The following NDUFA8 variants were observed in gnomAD, a reference collection of about 807,000 sequenced individuals.
NDUFA8 encodes NADH dehydrogenase [ubiquinone] 1 alpha subcomplex subunit 8.
In NDUFA8, 16 loss-of-function variants were observed where a neutral mutation model predicts 20.9. That is an observed-to-expected ratio of 0.77 (90% CI 0.52 to 1.16). NDUFA8 has a LOEUF of 1.16. NDUFA8 is among the 50% of genes most tolerant of loss of function. The pLI is 0.00. For missense variants in NDUFA8, 202 were observed against 216.4 expected (o/e 0.93, Z 0.42); for synonymous variants, 70 against 76.1 (o/e 0.92, Z 0.41).
At chr9:122,148,371 C>A in intron 2 of NDUFA8, 94 bp from the exon 3 acceptor site, 2 of 1,438,112 alleles carry the variant, frequency 1.4e-6, no homozygotes, top group South Asian at 1.2e-5. Flanking sequence ...AAATACATAG[C>A]CTTGCTTTTT....
chr9:122,147,490 C>T (rs1405957545), intron 3 of NDUFA8, among the ~76,000 whole-genome samples: 1 of 152,174 alleles, frequency 6.6e-6, no homozygotes, highest in Non-Finnish European at 1.5e-5. Context: ...GTGAATTCCA[C>T]AATAACCTCC....
At chr9:122,148,371 CCT>C (rs1182660179) in intron 2 of NDUFA8, 94 bp from the exon 3 acceptor site, 17 of 1,437,996 alleles carry the variant, frequency 1.2e-5, no homozygotes, top group Non-Finnish European at 1.6e-5. Flanking sequence ...AAATACATAG[CCT>C]TGCTTTTTGA....
chr9:122,149,142 T>G (rs1320547545), intron 2 of NDUFA8, among the ~76,000 whole-genome samples: 1 of 152,206 alleles, frequency 6.6e-6, no homozygotes, highest in Non-Finnish European at 1.5e-5. Context: ...AGTGCTTACC[T>G]GTCATACTCC....
At chr9:122,158,036 G>C (rs1273997676) in intron 1 of NDUFA8, among the ~76,000 whole-genome samples, 1 of 152,020 alleles carries the variant, frequency 6.6e-6, no homozygotes, top group Non-Finnish European at 1.5e-5. Flanking sequence ...GCCTGTAGTC[G>C]CAGTTACTCG....
intron 3 of NDUFA8, among the ~76,000 whole-genome samples, chr9:122,147,366 T>C (rs1365636318): frequency 6.6e-6 from 1 of 152,038 alleles, no homozygotes; most frequent in African/African-American, 2.4e-5. Context: ...AAAACTAAGA[T>C]AGGAAATATA....
At chr9:122,149,710 C>G (rs546252234) in intron 2 of NDUFA8, among the ~76,000 whole-genome samples, 1 of 152,332 alleles carries the variant, frequency 6.6e-6, no homozygotes, top group African/African-American at 2.4e-5. Flanking sequence ...GTAATCCCAG[C>G]ACCTTGGGAG....
Position 122,152,394 on chromosome 9 carries a change from A to T in NDUFA8, c.66T>A (p.Ser22=). 3 of 1,614,172 alleles carry T rather than the reference A, an allele frequency of 1.9e-6. No individual in the cohort carries two copies. Among genetic ancestry groups the T allele is most frequent in the Non-Finnish European group, 2.5e-6 (3 of 1,180,026 alleles). ...ELKVDEVKIS[S]AVLKAAAHHY... is the part of the protein sequence containing the mutation. ...GATGGGCCGCAGCTTTAAGCACAGC[A>T]GAACTAATTTTCACCTAGGAAAGGA... The change falls in exon 2 of 4, where the codon TCT becomes TCA. Residue 22 remains serine, a synonymous_variant. Transcript: ENST00000373768.
At chr9:122,151,414 T>C (rs1828995534) in intron 2 of NDUFA8, among the ~76,000 whole-genome samples, 1 of 152,208 alleles carries the variant, frequency 6.6e-6, no homozygotes, top group African/African-American at 2.4e-5. Context: ...GCCAGGACAA[T>C]TAGACTCAGT....
chr9:122,134,840 C>T, the NDUFA8 span, among the ~76,000 whole-genome samples: 26 of 152,140 alleles, frequency 1.7e-4, no homozygotes, highest in Middle Eastern at 6.3e-3. Flanking sequence ...CCTCTGACAC[C>T]GGACCATTCC....
downstream of NDUFA8, among the ~76,000 whole-genome samples, chr9:122,141,597 A>G (rs1370257850): frequency 6.6e-6 from 1 of 152,196 alleles, no homozygotes; most frequent in Non-Finnish European, 1.5e-5. Flanking sequence ...GGCAGAGGAA[A>G]GGAGTCAGAT....
chr9:122,158,717 CATAT>C (rs140224252), intron 1 of NDUFA8, among the ~76,000 whole-genome samples: 5 of 142,460 alleles, frequency 3.5e-5, no homozygotes, highest in African/African-American at 1.0e-4. Flanking sequence ...ATGGTATATA[CATAT>C]ATATATATAC....
At chr9:122,153,781 C>T (rs941333714) in intron 1 of NDUFA8, among the ~76,000 whole-genome samples, 1 of 152,188 alleles carries the variant, frequency 6.6e-6, no homozygotes, top group African/African-American at 2.4e-5. Context: ...AACACCTTCC[C>T]CCAATAATTT....
At chr9:122,154,987 C>T (rs1829057029) in intron 1 of NDUFA8, among the ~76,000 whole-genome samples, 1 of 152,164 alleles carries the variant, frequency 6.6e-6, no homozygotes, top group Non-Finnish European at 1.5e-5. Flanking sequence ...AAAATCTAGT[C>T]TGTCACAGTG....
the NDUFA8 span, among the ~76,000 whole-genome samples, chr9:122,135,273 G>A: frequency 2.0e-5 from 3 of 152,198 alleles, no homozygotes; most frequent in East Asian, 5.8e-4. Flanking sequence ...TCTTGTCACG[G>A]AATCTACAAA....
At chr9:122,155,890 T>C (rs751403533) in intron 1 of NDUFA8, among the ~76,000 whole-genome samples, 4 of 152,228 alleles carry the variant, frequency 2.6e-5, no homozygotes, top group African/African-American at 4.8e-5. Context: ...GGTATACACA[T>C]GTTGCTGAGC....
the NDUFA8 span, among the ~76,000 whole-genome samples, chr9:122,137,994 G>C: frequency 2.0e-5 from 3 of 152,180 alleles, no homozygotes; most frequent in Non-Finnish European, 4.4e-5. Flanking sequence ...AAAGTTCTTT[G>C]GTATGAATTC....
chr9:122,138,865 T>TGGCG, the NDUFA8 span, among the ~76,000 whole-genome samples: 4 of 89,384 alleles, frequency 4.5e-5, no homozygotes, highest in Admixed American at 1.4e-4. Context: ...CAAGAAGAGG[T>TGGCG]GGGGGGGGGG....
chr9:122,158,110 G>T (rs999831308), intron 1 of NDUFA8, among the ~76,000 whole-genome samples: 19 of 152,104 alleles, frequency 1.2e-4, no homozygotes, highest in Admixed American at 5.2e-4. Flanking sequence ...CCAATATCGC[G>T]CCACTGCACT....
At chr9:122,150,886 C>A (rs1423871170) in intron 2 of NDUFA8, among the ~76,000 whole-genome samples, 2 of 146,842 alleles carry the variant, frequency 1.4e-5, no homozygotes, top group Non-Finnish European at 3.0e-5. Context: ...ACATGTGACT[C>A]GCTTGAAGCC....
Sources: gnomAD v4.1 joint callset for allele counts (sites outside exome capture counted in the v4.1 genomes callset) on GRCh38, gnomAD v4.1.1 for gene constraint, MANE v1.5 for transcripts, NCBI Gene and HGNC (gene_info 2026-07-23, HGNC 2026-07-21) for gene names.